The following CNN3 variants were observed in gnomAD, a reference collection of about 807,000 sequenced individuals.
The protein encoded by CNN3 is calponin 3.
A neutral mutation model predicts 39.0 loss-of-function variants in CNN3; 11 were observed. That is an observed-to-expected ratio of 0.28 (90% confidence interval 0.18 to 0.47). The LOEUF (loss-of-function observed/expected upper bound fraction) is 0.47, where lower values mean the gene tolerates loss of function less well. Ranked by LOEUF, CNN3 falls within the 20% of genes least tolerant of loss-of-function variation. CNN3 has a pLI of 0.99. For missense variants in CNN3, 266 were observed against 403.4 expected (o/e 0.66, Z 2.92); for synonymous variants, 101 against 138.3 (o/e 0.73, Z 1.89).
intron 1 of CNN3, among the ~76,000 whole-genome samples, chr1:94,904,821 A>C (rs1479779410): frequency 6.6e-6 from 1 of 152,150 alleles, no homozygotes; most frequent in Non-Finnish European, 1.5e-5. Flanking sequence ...CTCATTCAGC[A>C]CTGGTGAAAA....
chr1:94,920,151 T>C (rs531973252), intron 1 of CNN3, among the ~76,000 whole-genome samples: 2 of 152,380 alleles, frequency 1.3e-5, no homozygotes, highest in East Asian at 1.9e-4. Context: ...GCAAGACCTC[T>C]AGCTCTACAG....
At chr1:94,918,925 C>A (rs562190105) in intron 1 of CNN3, among the ~76,000 whole-genome samples, 11 of 151,428 alleles carry the variant, frequency 7.3e-5, no homozygotes, top group Middle Eastern at 3.4e-3. Flanking sequence ...AGATATTTGG[C>A]AGAGCTGTTT....
Position 94,897,679 on chromosome 1 carries a change from G to T in CNN3, c.*63C>A, listed in dbSNP as rs1571512521. 6.9e-7 allele frequency: 1 copy of T among 1,444,182 alleles called. No individual in the cohort carries two copies. The highest frequency in any genetic ancestry group is 1.3e-5 in the South Asian group (1 of 78,540). The allele number at this position is 1,444,182 out of a possible 1,614,324, so 89.5% of individuals were successfully genotyped here. A position where few individuals can be genotyped will look rare whatever the true frequency, so the allele number is the denominator to read the frequency against. ...GGAAGACAAGATAAAAATTACTCAAGGCTAGCTTGGTTCTCACTGAATAAA... is the reference window on the plus strand; with the variant it reads ...GGAAGACAAGATAAAAATTACTCAATGCTAGCTTGGTTCTCACTGAATAAA... On this transcript the variant is annotated 3_prime_UTR_variant, in exon 7 of 7. Transcript: ENST00000370206.
At position 94,901,797 on chromosome 1, in the gene CNN3, C is replaced by A. The variant is rs201827216; in HGVS notation, c.385-12G>T. On this transcript the variant is annotated splice_polypyrimidine_tract_variant and intron_variant, in intron 4 of 6. Coordinates refer to ENST00000370206, the MANE Select transcript of CNN3 (RefSeq NM_001839.5). ...CCTTTTGTTTTAGCCTAGACAGAAA[C>A]ATGCACACTAACTGAAAAGGCCAAC... is the stretch of plus-strand genomic sequence containing the variant. 56 of 1,569,930 alleles carry A rather than the reference C, an allele frequency of 3.6e-5. No individual in the cohort carries two copies. The African/African-American group carries it at 6.6e-4, about 19-fold the overall frequency.
chr1:94,924,713 C>T (rs1199643485), intron 1 of CNN3, among the ~76,000 whole-genome samples: 1 of 152,204 alleles, frequency 6.6e-6, no homozygotes, highest in East Asian at 1.9e-4. Context: ...TAAGACATCG[C>T]TTTTAGAGTT....
At chr1:94,903,328 G>T in intron 2 of CNN3, 75 bp downstream of exon 2, 1 of 1,544,762 alleles carries the variant, frequency 6.5e-7, no homozygotes, top group Non-Finnish European at 8.7e-7. Context: ...ACCCTGGGCT[G>T]AGAAGGAGAG....
Position 94,902,122 on chromosome 1 carries a change from A to C in CNN3, c.383T>G (p.Leu128Arg), listed in dbSNP as rs1206742475. ...VQTTLVALAGLAKTKGFHTTI... is the reference protein window; with the variant it reads ...VQTTLVALAGRAKTKGFHTTI... Reference sequence around the variant, plus strand: ...CAGCCATTAAAGACATGTACGTACCAGACCTGCTAGAGCCACCAGAGTAGT... The same window carrying C: ...CAGCCATTAAAGACATGTACGTACCCGACCTGCTAGAGCCACCAGAGTAGT... Residue 128 changes from leucine (L) to arginine (R), a missense_variant and splice_region_variant, in exon 4 of 7, where the codon CTG (leucine) becomes CGG (arginine). Transcript: ENST00000370206. 1.9e-6 allele frequency: 3 copies of C among 1,611,658 alleles called. No individual in the cohort carries two copies. In the Admixed American group the frequency reaches 5.0e-5, roughly 27 times the overall value.
At chr1:94,911,207 T>TCATTC (rs1671153457) in intron 1 of CNN3, among the ~76,000 whole-genome samples, 1 of 152,210 alleles carries the variant, frequency 6.6e-6, no homozygotes, top group African/African-American at 2.4e-5. Context: ...AATCTAAGAC[T>TCATTC]CATTCCATGG....
At chr1:94,924,480 GGGCATGGTGGCA>G (rs1671528508) in intron 1 of CNN3, 1 of 152,288 alleles carries the variant, frequency 6.6e-6, no homozygotes, top group African/African-American at 2.4e-5. Context: ...AACATTAGCC[GGGCATGGTGGCA>G]GGCACCTGTA....
rs7551706 is a variant in CNN3 at position 94,918,502 on chromosome 1, T to G, written c.57+8336A>C. Reference sequence around the variant, plus strand: ...AAGTGAGACTGTCTCCCAAAAAAAATAAAATAAAAAAAAAAAAAGTCGGCA... The same window carrying G: ...AAGTGAGACTGTCTCCCAAAAAAAAGAAAATAAAAAAAAAAAAAGTCGGCA... On this transcript the variant is annotated intron_variant, in intron 1 of 6. Transcript: ENST00000370206. Among the ~76,000 whole-genome samples the G allele has an allele frequency of 1.1e-4, 3 of 26,924 alleles. 1 individual carries two copies. The highest frequency in any genetic ancestry group is 6.7e-4 in the Admixed American group (2 of 2,966). 17.7% of individuals were successfully genotyped at this position (26,924 alleles called of 152,430 possible).
chr1:94,918,976 A>T (rs1292734447), intron 1 of CNN3, among the ~76,000 whole-genome samples: 1 of 152,168 alleles, frequency 6.6e-6, no homozygotes, highest in African/African-American at 2.4e-5. Context: ...GCCCATATGA[A>T]GACCAACCTC....
At chr1:94,909,796 A>G (rs1422297271) in intron 1 of CNN3, among the ~76,000 whole-genome samples, 2 of 151,940 alleles carry the variant, frequency 1.3e-5, no homozygotes, top group Non-Finnish European at 2.9e-5. Flanking sequence ...CTGACCCAAA[A>G]GCTCGATTCC....
At chr1:94,923,722 C>T (rs1352727258) in intron 1 of CNN3, among the ~76,000 whole-genome samples, 1 of 152,078 alleles carries the variant, frequency 6.6e-6, no homozygotes, top group Non-Finnish European at 1.5e-5. Context: ...GGTATTAATA[C>T]AAACCAAATA....
chr1:94,912,369 C>A (rs1204886323), intron 1 of CNN3, among the ~76,000 whole-genome samples: 2 of 152,296 alleles, frequency 1.3e-5, no homozygotes, highest in East Asian at 3.9e-4. Context: ...GAAGCCTTGG[C>A]AAACGGTAGT....
chr1:94,925,935 G>T (rs1292047151), intron 1 of CNN3: 5 of 539,854 alleles, frequency 9.3e-6, no homozygotes, highest in Non-Finnish European at 1.2e-5. Context: ...AGGAAGGAGA[G>T]GATTTGGGGA....
At chr1:94,899,642 T>G in intron 5 of CNN3, 125 bp from the exon 6 acceptor site, 1 of 902,550 alleles carries the variant, frequency 1.1e-6, no homozygotes, top group Non-Finnish European at 1.6e-6. Context: ...GAGCTGAGGC[T>G]CCAGTCAACT....
intron 1 of CNN3, among the ~76,000 whole-genome samples, chr1:94,904,532 G>C (rs1026981364): frequency 6.6e-6 from 1 of 152,116 alleles, no homozygotes; most frequent in African/African-American, 2.4e-5. Context: ...TGGATCTCTT[G>C]AGTCAGGAGT....
At chr1:94,908,899 C>A (rs1353010808) in intron 1 of CNN3, among the ~76,000 whole-genome samples, 1 of 150,326 alleles carries the variant, frequency 6.7e-6, no homozygotes, top group Admixed American at 6.6e-5. Context: ...AATCCTGCAA[C>A]TTTGGGAGGC....
Position 94,903,373 on chromosome 1 carries a change from A to G in CNN3, c.179+30T>C, listed in dbSNP as rs772768700. 6 of 1,559,294 alleles carry G rather than the reference A, an allele frequency of 3.8e-6. No individual in the cohort carries two copies. In the African/African-American group the frequency reaches 5.5e-5, roughly 14 times the overall value. ...AGGCTGTGGAAAGAACTGGAAGAGC[A>G]GAAACAGATTCTGGAGGGCTGTAAC... is the stretch of plus-strand genomic sequence containing the variant. On this transcript the variant is annotated intron_variant, in intron 2 of 6. Transcript: ENST00000370206.
Sources: allele counts gnomAD v4.1 joint callset (sites outside exome capture counted in the v4.1 genomes callset), GRCh38; gene constraint gnomAD v4.1.1; transcripts MANE v1.5; gene names NCBI Gene and HGNC (gene_info 2026-07-23, HGNC 2026-07-21).